Variants in WDPCP observed in about 807,000 individuals in gnomAD.
WDPCP encodes WD repeat-containing and planar cell polarity effector protein fritz homolog.
Under a neutral mutation model 93.1 loss-of-function variants are expected in WDPCP, and 71 were observed. The ratio of observed to expected loss-of-function variants is 0.76; its 90% confidence interval spans 0.63 to 0.93. The LOEUF is 0.93. WDPCP is among the 40% of genes least tolerant of loss of function. WDPCP has a pLI of 0.00. For missense variants in WDPCP, 844 were observed against 887.4 expected (o/e 0.95, Z 0.62); for synonymous variants, 315 against 315.0 (o/e 1.00, Z 0.00).
chr2:63,531,199 C>G (rs1703811647), intron 1 of WDPCP, among the ~76,000 whole-genome samples: 1 of 152,222 alleles, frequency 6.6e-6, no homozygotes, highest in Non-Finnish European at 1.5e-5. Context: ...GAAGCTTGAA[C>G]TGGGTGGAAC....
intron 3 of WDPCP, among the ~76,000 whole-genome samples, chr2:63,628,271 T>A (rs1312068445): frequency 2.6e-5 from 4 of 152,070 alleles, no homozygotes; most frequent in African/African-American, 7.2e-5. Flanking sequence ...GATAAAAAAT[T>A]TTTTTCTCAA....
At chr2:63,803,834 T>C (rs1670727145) in intron 2 of WDPCP, among the ~76,000 whole-genome samples, 1 of 152,218 alleles carries the variant, frequency 6.6e-6, no homozygotes, top group Non-Finnish European at 1.5e-5. Context: ...GAATTTAAGT[T>C]ACAGAACATG....
At chr2:63,380,638 G>A (rs919912228) in intron 11 of WDPCP, among the ~76,000 whole-genome samples, 3 of 152,044 alleles carry the variant, frequency 2.0e-5, no homozygotes, top group Admixed American at 6.6e-5. Flanking sequence ...CAGGAGAATC[G>A]CTTGAACCTG....
At chr2:63,524,651 C>T (rs569350524) in intron 1 of WDPCP, among the ~76,000 whole-genome samples, 17 of 152,188 alleles carry the variant, frequency 1.1e-4, no homozygotes, top group South Asian at 1.0e-3. Context: ...ATGAAAACCA[C>T]GGAAGACAAC....
At chr2:63,646,124 A>G (rs1710046532) in intron 3 of WDPCP, among the ~76,000 whole-genome samples, 1 of 151,866 alleles carries the variant, frequency 6.6e-6, no homozygotes, top group Admixed American at 6.6e-5. Flanking sequence ...ATTTTCTCTA[A>G]TGATATGATC....
intron 2 of WDPCP, among the ~76,000 whole-genome samples, chr2:63,679,835 C>A (rs1251299627): frequency 6.6e-6 from 1 of 152,134 alleles, no homozygotes; most frequent in Admixed American, 6.5e-5. Context: ...AAAGATATCA[C>A]CTTTAATCAA....
chr2:63,631,290 T>A (rs1195542039), intron 3 of WDPCP, among the ~76,000 whole-genome samples: 3 of 151,616 alleles, frequency 2.0e-5, no homozygotes, highest in African/African-American at 4.8e-5. Context: ...AAAATAAATT[T>A]TAAAAAAATT....
chr2:63,733,345 G>A (rs1435791923), intron 2 of WDPCP, among the ~76,000 whole-genome samples: 2 of 149,890 alleles, frequency 1.3e-5, no homozygotes, highest in Non-Finnish European at 3.0e-5. Flanking sequence ...GACTACAGGT[G>A]CCCGCCACCG....
At chr2:63,591,082 A>G (rs539584816), upstream of WDPCP, 3 of 152,354 alleles carry the variant, frequency 2.0e-5, no homozygotes, top group Admixed American at 6.5e-5. Flanking sequence ...ACTTAAATTC[A>G]ATCTTTATAG....
chr2:63,143,096 CACATGTCACCGCA>C (rs1671218264), intron 17 of WDPCP, among the ~76,000 whole-genome samples: 3 of 152,060 alleles, frequency 2.0e-5, no homozygotes, highest in Admixed American at 1.3e-4. Context: ...GGACTACAGG[CACATGTCACCGCA>C]GGTGCCTCTG....
At chr2:63,752,029 A>C in intron 2 of WDPCP, 1 of 623,806 alleles carries the variant, frequency 1.6e-6, no homozygotes, top group South Asian at 1.5e-5. Flanking sequence ...ACCAACACCA[A>C]AGTTTCCAGA....
intron 13 of WDPCP, among the ~76,000 whole-genome samples, chr2:63,281,381 G>A (rs921730350): frequency 1.3e-5 from 2 of 152,178 alleles, no homozygotes; most frequent in Admixed American, 6.5e-5. Context: ...ACTGTTGGTG[G>A]GAATGTAAAC....
At chr2:63,233,052 C>T (rs1289531626) in intron 14 of WDPCP, 2 of 154,596 alleles carry the variant, frequency 1.3e-5, no homozygotes, top group African/African-American at 4.8e-5. Flanking sequence ...ACTAATGGGC[C>T]TGTCGTTCAA....
chr2:63,470,431 C>T (rs558498548), intron 6 of WDPCP, among the ~76,000 whole-genome samples: 36 of 152,260 alleles, frequency 2.4e-4, no homozygotes, highest in Admixed American at 4.6e-4. Flanking sequence ...AATGACAACT[C>T]CATTCTTCCA....
intron 17 of WDPCP, among the ~76,000 whole-genome samples, chr2:63,134,327 T>C (rs972923316): frequency 6.6e-6 from 1 of 152,236 alleles, no homozygotes; most frequent in Admixed American, 6.5e-5. Context: ...ATTTAACTCA[T>C]ATCCTTTCCT....
chr2:63,305,961 C>A (rs1685702002), intron 13 of WDPCP, among the ~76,000 whole-genome samples: 3 of 151,992 alleles, frequency 2.0e-5, no homozygotes, highest in Admixed American at 2.0e-4. Flanking sequence ...AATCCAGGAC[C>A]TATTTGAAAA....
At chr2:63,799,172 T>C (rs1260380542) in intron 2 of WDPCP, among the ~76,000 whole-genome samples, 2 of 152,198 alleles carry the variant, frequency 1.3e-5, no homozygotes, top group East Asian at 1.9e-4. Flanking sequence ...ACTACATTTC[T>C]GAAAAGCTAT....
At chr2:63,304,706 T>A (rs1361135103) in intron 13 of WDPCP, among the ~76,000 whole-genome samples, 1 of 152,128 alleles carries the variant, frequency 6.6e-6, no homozygotes, top group Non-Finnish European at 1.5e-5. Context: ...TGCAGGAGTT[T>A]TTTTTCATAC....
intron 9 of WDPCP, among the ~76,000 whole-genome samples, chr2:63,420,599 C>T (rs899624722): frequency 3.3e-5 from 5 of 151,766 alleles, no homozygotes; most frequent in African/African-American, 1.2e-4. Context: ...AATCCTATTC[C>T]CTTGCCTCTC....
Sources: allele counts gnomAD v4.1 joint callset (sites outside exome capture counted in the v4.1 genomes callset), GRCh38; gene constraint gnomAD v4.1.1; transcripts MANE v1.5; gene names NCBI Gene and HGNC (gene_info 2026-07-23, HGNC 2026-07-21).